USH2A: variants seen among roughly 807,000 people sequenced by gnomAD.
USH2A encodes the protein Usher syndrome 2A (autosomal recessive, mild).
USH2A carries 443 observed loss-of-function variants against 538.9 expected under a neutral mutation model. The ratio of observed to expected loss-of-function variants is 0.82; its 90% confidence interval spans 0.76 to 0.89. The LOEUF (loss-of-function observed/expected upper bound fraction) is 0.89, where lower values mean the gene tolerates loss of function less well. Ranked by LOEUF, USH2A falls within the 40% of genes least tolerant of loss-of-function variation. USH2A has a pLI of 0.00. For synonymous variants in USH2A, 2,413 were observed against 2,273.5 expected, an observed-to-expected ratio of 1.06 and a Z score of -1.75; for missense variants, 6,633 against 6,324.8, an observed-to-expected ratio of 1.05 and a Z score of -1.65.
intron 21 of USH2A, among the ~76,000 whole-genome samples, chr1:216,173,044 G>A (rs144489117): frequency 6.6e-6 from 1 of 152,206 alleles, no homozygotes; most frequent in African/African-American, 2.4e-5. Context: ...TACTACGAGG[G>A]TAAAAAGAGC....
chr1:215,942,720 A>C (rs1221089017), intron 37 of USH2A, among the ~76,000 whole-genome samples: 1 of 152,200 alleles, frequency 6.6e-6, no homozygotes, highest in African/African-American at 2.4e-5. Flanking sequence ...AGAGATGGTA[A>C]ATTCCTTCTT....
chr1:215,655,725 C>CTTTTTTTTTTTTTTTTTTGT (rs1657225345), intron 64 of USH2A, among the ~76,000 whole-genome samples: 1 of 96,172 alleles, frequency 1.0e-5, no homozygotes, highest in African/African-American at 3.9e-5. Flanking sequence ...GCTAGTTATT[C>CTTTTTTTTTTTTTTTTTTGT]TTTTTTTTTT....
intron 3 of USH2A, among the ~76,000 whole-genome samples, chr1:216,373,249 T>C (rs185030405): frequency 1.8e-4 from 27 of 152,238 alleles, no homozygotes; most frequent in African/African-American, 5.5e-4. Flanking sequence ...ATACTTTCAA[T>C]GAAAGGAGGC....
At chr1:216,235,946 A>G (rs961759591) in intron 13 of USH2A, among the ~76,000 whole-genome samples, 1 of 152,168 alleles carries the variant, frequency 6.6e-6, no homozygotes, top group African/African-American at 2.4e-5. Context: ...GGCTTTATGA[A>G]TCAATATTTT....
intron 61 of USH2A, among the ~76,000 whole-genome samples, chr1:215,719,518 A>G (rs1277139055): frequency 1.3e-5 from 2 of 152,222 alleles, no homozygotes; most frequent in African/African-American, 4.8e-5. Flanking sequence ...CAAGGTGAGG[A>G]ACACTTAAAA....
chr1:216,232,499 A>G (rs1443175730), intron 13 of USH2A, among the ~76,000 whole-genome samples: 3 of 152,246 alleles, frequency 2.0e-5, no homozygotes, highest in Non-Finnish European at 4.4e-5. Flanking sequence ...GGGCAGACTT[A>G]TAAAATATAG....
intron 30 of USH2A, among the ~76,000 whole-genome samples, chr1:216,067,253 G>A (rs1429985447): frequency 6.6e-6 from 1 of 152,088 alleles, no homozygotes; most frequent in Non-Finnish European, 1.5e-5. Context: ...ACATATCGGG[G>A]CCTGTCGAGC....
At chr1:215,943,422 ATAAT>A (rs1454465100) in intron 37 of USH2A, among the ~76,000 whole-genome samples, 3 of 152,224 alleles carry the variant, frequency 2.0e-5, no homozygotes, top group Non-Finnish European at 4.4e-5. Flanking sequence ...TGAGAGAATC[ATAAT>A]TAATGCATAA....
At chr1:216,353,111 G>A (rs1357692853) in intron 4 of USH2A, among the ~76,000 whole-genome samples, 12 of 152,084 alleles carry the variant, frequency 7.9e-5, no homozygotes, top group South Asian at 2.1e-4. Context: ...TCCATGAAAA[G>A]AAGTGGTTAT....
At chr1:215,871,690 A>C (rs1664626711) in intron 43 of USH2A, among the ~76,000 whole-genome samples, 1 of 152,252 alleles carries the variant, frequency 6.6e-6, no homozygotes, top group African/African-American at 2.4e-5. Context: ...AATGTATATA[A>C]AATTTTACAG....
chr1:215,691,329 C>A (rs975299038), intron 61 of USH2A, among the ~76,000 whole-genome samples: 2 of 152,120 alleles, frequency 1.3e-5, no homozygotes, highest in African/African-American at 4.8e-5. Context: ...TTCTGCCCAC[C>A]CTTCCACTTC....
At chr1:216,303,371 T>C (rs1387345477) in intron 9 of USH2A, among the ~76,000 whole-genome samples, 1 of 151,954 alleles carries the variant, frequency 6.6e-6, no homozygotes, top group African/African-American at 2.4e-5. Context: ...TATATTAATA[T>C]GGTGCTTACA....
intron 35 of USH2A, among the ~76,000 whole-genome samples, chr1:215,973,660 T>TC (rs61689232): frequency 0.22 from 30,309 of 140,280 alleles, 2,645 homozygotes; most frequent in Non-Finnish European, 0.27. Flanking sequence ...CTTCTTCTTT[T>TC]TTTTTTTTTT....
chr1:215,972,333 T>A (rs1283508172), intron 35 of USH2A, among the ~76,000 whole-genome samples: 1 of 152,196 alleles, frequency 6.6e-6, no homozygotes, highest in African/African-American at 2.4e-5. Context: ...CTGCATTTTC[T>A]GCCTCTTCGG....
At chr1:215,735,343 C>A (rs1350011985) in intron 60 of USH2A, among the ~76,000 whole-genome samples, 9 of 152,088 alleles carry the variant, frequency 5.9e-5, no homozygotes, top group African/African-American at 2.2e-4. Context: ...TTTTAGTTAC[C>A]TAGTTAACAA....
chr1:215,857,613 C>T (rs934778886), intron 44 of USH2A, among the ~76,000 whole-genome samples: 1 of 152,186 alleles, frequency 6.6e-6, no homozygotes, highest in Non-Finnish European at 1.5e-5. Context: ...TTTACATCCC[C>T]TGGTGCATCC....
chr1:215,799,225 T>C (rs553467750), intron 49 of USH2A, 100 bp from the exon 50 acceptor site: 6 of 1,302,028 alleles, frequency 4.6e-6, no homozygotes, highest in East Asian at 2.5e-5. Context: ...TCCCAACTGA[T>C]TGACAGAATT....
At chr1:216,098,585 G>T (rs935145414) in intron 21 of USH2A, among the ~76,000 whole-genome samples, 3 of 152,124 alleles carry the variant, frequency 2.0e-5, no homozygotes, top group African/African-American at 7.2e-5. Context: ...GCTAGGATTT[G>T]AAGGCAGGAA....
intron 4 of USH2A, among the ~76,000 whole-genome samples, chr1:216,344,319 G>A (rs1235863811): frequency 3.3e-5 from 5 of 152,188 alleles, no homozygotes; most frequent in African/African-American, 1.2e-4. Flanking sequence ...AACTGCAAAT[G>A]CTCAACTCAA....
Sources: allele counts gnomAD v4.1 joint callset (sites outside exome capture counted in the v4.1 genomes callset), GRCh38; gene constraint gnomAD v4.1.1; transcripts MANE v1.5; gene names NCBI Gene and HGNC (gene_info 2026-07-23, HGNC 2026-07-21).